TLN1: variants seen among roughly 807,000 people sequenced by gnomAD.
TLN1 encodes the protein talin 1.
A neutral mutation model predicts 292.3 loss-of-function variants in TLN1; 56 were observed. That is an observed-to-expected ratio of 0.19 (90% CI 0.15 to 0.24). The LOEUF (loss-of-function observed/expected upper bound fraction) is 0.24, where lower values mean the gene tolerates loss of function less well. Ranked by LOEUF, TLN1 falls within the 10% of genes least tolerant of loss-of-function variation. TLN1 has a pLI of 1.00. For synonymous variants in TLN1, 1,119 were observed against 1,253.7 expected (o/e 0.89, Z 2.27); for missense variants, 2,433 against 3,248.2 (o/e 0.75, Z 6.10).
rs2131901767 is a variant in TLN1, at chr9:35,719,410, T to C, written c.1687+109A>G. ...AGAAAGACGCACACACACAGTCCCT[T>C]CCACAGTGAGTCAAGGCACAGTCAC... On this transcript the variant is annotated intron_variant, in intron 15 of 56. Coordinates refer to ENST00000314888, the MANE Select transcript of TLN1 (RefSeq NM_006289.4). This position sits in a 1 kb window ranked among gnomAD's most constrained non-coding sequence, Gnocchi z 4.6. 2.2e-6 allele frequency: 3 copies of C among 1,352,252 alleles called. No individual in the cohort carries two copies. The highest frequency in any genetic ancestry group is 4.6e-5 in the East Asian group (2 of 43,576). 83.8% of individuals were successfully genotyped at this position (1,352,252 alleles called of 1,614,324 possible). A position where few individuals can be genotyped will look rare whatever the true frequency, so the allele number is the denominator to read the frequency against.
At position 35,697,792 on chromosome 9, in the gene TLN1, T is replaced by C. The variant is rs745813478; in HGVS notation, c.7625A>G (p.Ter2542=). ...FLPSELRDEH[*] is the part of the protein sequence containing the mutation. ...CTGCATTAAATAGAAGAGGCTTCTTTAGTGCTCATCTCGAAGCTCTGAAGG... is the reference window on the plus strand; with the variant it reads ...CTGCATTAAATAGAAGAGGCTTCTTCAGTGCTCATCTCGAAGCTCTGAAGG... Residue 2542 remains the stop codon, a stop_retained_variant, in exon 57 of 57, where the codon TAA becomes TGA. Coordinates refer to ENST00000314888, the MANE Select transcript of TLN1 (RefSeq NM_006289.4). 20 of 1,614,042 alleles carry C rather than the reference T, an allele frequency of 1.2e-5. No individual in the cohort carries two copies. The highest frequency in any genetic ancestry group is 1.7e-5 in the Non-Finnish European group (20 of 1,180,014).
chr9:35,723,397 C>T, intron 7 of TLN1: 1 of 192,002 alleles, frequency 5.2e-6, no homozygotes, highest in East Asian at 1.6e-4. Flanking sequence ...GCCACCGAGC[C>T]TGGCCAGTAT....
rs959526159 is a variant in TLN1, at chr9:35,704,911, T to G, written c.5734-96A>C. The G allele has an allele frequency of 5.6e-5, 78 of 1,391,038 alleles. No homozygotes were observed. Among genetic ancestry groups the G allele is most frequent in the Middle Eastern group, 5.6e-4 (3 of 5,364 alleles). The allele number at this position is 1,391,038 out of a possible 1,614,324, so 86.2% of individuals were successfully genotyped here. On this transcript the variant is annotated intron_variant, in intron 43 of 56. Transcript: ENST00000314888. The surrounding 1 kb of genome is among the most constrained non-coding windows in gnomAD (Gnocchi z 6.9). ...GTCACTAAGGACATAGAAAAAAACA[T>G]GCATTGTAGACTAAAGAAGCAGAGA...
At chr9:35,725,879 G>C (rs1245966515) in intron 1 of TLN1, among the ~76,000 whole-genome samples, 152 bp from the exon 2 acceptor site, 1 of 152,132 alleles carries the variant, frequency 6.6e-6, no homozygotes, top group Admixed American at 6.5e-5. Context: ...TAATTTTAAA[G>C]AGTGAAAAAT....
At chr9:35,725,525 T>C (rs376918202) in intron 2 of TLN1, 40 bp downstream of exon 2, 10 of 1,603,552 alleles carry the variant, frequency 6.2e-6, no homozygotes, top group Non-Finnish European at 7.7e-6. Flanking sequence ...AAGAAGGGAC[T>C]GAAGACTCCC....
chr9:35,721,891 T>C (rs560007089), intron 9 of TLN1, 88 bp from the exon 10 acceptor site: 68 of 1,541,764 alleles, frequency 4.4e-5, no homozygotes, highest in African/African-American at 3.5e-4. Context: ...ATAGGGGATG[T>C]TGAGGTGGCC....
chr9:35,717,552 T>G lies in TLN1; in HGVS notation c.2163+67A>C. 2 of 1,579,704 alleles carry G rather than the reference T, an allele frequency of 1.3e-6. No homozygotes were observed. The highest frequency in any genetic ancestry group is 1.7e-6 in the Non-Finnish European group (2 of 1,157,566). On this transcript the variant is annotated intron_variant, in intron 18 of 56. Coordinates refer to ENST00000314888, the MANE Select transcript of TLN1 (RefSeq NM_006289.4). This position sits in a 1 kb window ranked among gnomAD's most constrained non-coding sequence, Gnocchi z 4.7. ...GGCCTCCAGAGCCAAAGAAATAAAA[T>G]GAAAGGCTCACGTGTGTGTGGTAGT...
At position 35,704,839 on chromosome 9, in the gene TLN1, T is replaced by C. The variant is rs368143355; in HGVS notation, c.5734-24A>G. 59 of 1,606,694 alleles carry C rather than the reference T, an allele frequency of 3.7e-5. No homozygotes were observed. The African/African-American group carries it at 4.8e-4, about 13-fold the overall frequency. On this transcript the variant is annotated intron_variant, in intron 43 of 56. Transcript: ENST00000314888. The surrounding 1 kb of genome is among the most constrained non-coding windows in gnomAD (Gnocchi z 6.9). Reference sequence around the variant, plus strand: ...ATCTGTGAGCCAAGGGAAAGACAGATGGATTTTACAAGGGGCACTCAGGGT... The same window carrying C: ...ATCTGTGAGCCAAGGGAAAGACAGACGGATTTTACAAGGGGCACTCAGGGT...
At chr9:35,721,116 T>C (rs969836255) in intron 10 of TLN1, among the ~76,000 whole-genome samples, 7 of 152,198 alleles carry the variant, frequency 4.6e-5, no homozygotes, top group African/African-American at 1.7e-4. Flanking sequence ...GCCTCTACAC[T>C]ACACAGTTTC....
Position 35,703,559 on chromosome 9 carries a change from C to A in TLN1, c.6474+1G>T, listed in dbSNP as rs1453683560. 1 of 1,614,110 alleles carries A rather than the reference C, an allele frequency of 6.2e-7. No individual in the cohort carries two copies. Among genetic ancestry groups the A allele is most frequent in the Admixed American group, 1.7e-5 (1 of 60,022 alleles). On this transcript the variant is annotated splice_donor_variant, in intron 48 of 56. Transcript: ENST00000314888. LOFTEE classifies it high-confidence loss of function. The stretch of plus-strand genomic sequence containing the variant: ...CACTGATGCCCCAGACTCTCACTCA[C>A]CGCCAGCTCCTGCCGTATGTGTTCT...
At chr9:35,709,863 G>A (rs1453734331) in intron 33 of TLN1, among the ~76,000 whole-genome samples, 2 of 133,108 alleles carry the variant, frequency 1.5e-5, no homozygotes, top group Non-Finnish European at 3.1e-5. Context: ...CTCCAGCCTG[G>A]GCGACAGAGC....
chr9:35,717,225 C>T lies in TLN1; in HGVS notation c.2379G>A (p.Gly793=). The T allele has an allele frequency of 1.2e-6, 2 of 1,614,160 alleles. No individual in the cohort carries two copies. The highest frequency in any genetic ancestry group is 1.7e-6 in the Non-Finnish European group (2 of 1,180,004). ...TAGCCTGGTCATAACGGCCAGCAGGCCCAGCCCCTGTGGCATGGGCTTTCA... is the reference window on the plus strand; with the variant it reads ...TAGCCTGGTCATAACGGCCAGCAGGTCCAGCCCCTGTGGCATGGGCTTTCA... ...QHVKAHATGA[G]PAGRYDQATD... is the part of the protein sequence containing the mutation. The change falls in exon 19 of 57, where the codon GGG becomes GGA. Residue 793 remains glycine (G), a synonymous_variant. Coordinates refer to ENST00000314888, the MANE Select transcript of TLN1 (RefSeq NM_006289.4). The surrounding 1 kb of genome is among the most constrained non-coding windows in gnomAD (Gnocchi z 4.7).
rs766069516 is a variant in TLN1 at position 35,706,865 on chromosome 9, G to A, written c.4991C>T (p.Ala1664Val). 1 of 1,613,940 alleles carries A rather than the reference G, an allele frequency of 6.2e-7. No homozygotes were observed. The highest frequency in any genetic ancestry group is 8.5e-7 in the Non-Finnish European group (1 of 1,180,010). ...KAPGQLECETAIAALNSCLRD... is the reference protein window; with the variant it reads ...KAPGQLECETVIAALNSCLRD... ...TAGACAACTGTTCAGAGCTGCAATGGCCGTTTCACACTCCAGCTGCCCTGG... is the reference window on the plus strand; with the variant it reads ...TAGACAACTGTTCAGAGCTGCAATGACCGTTTCACACTCCAGCTGCCCTGG... Residue 1664 changes from alanine to valine, a missense_variant, in exon 38 of 57, where the codon GCC becomes GTC. Physicochemically the swap from Ala to Val is moderately conservative, Grantham distance 64 (BLOSUM62 0). Coordinates refer to ENST00000314888, the MANE Select transcript of TLN1 (RefSeq NM_006289.4). This position sits in a 1 kb window ranked among gnomAD's most constrained non-coding sequence, Gnocchi z 4.2.
intron 7 of TLN1, 182 bp downstream of exon 7, chr9:35,723,770 A>G: frequency 1.2e-6 from 1 of 839,998 alleles, no homozygotes; most frequent in Non-Finnish European, 1.9e-6. Context: ...CTACATTCAT[A>G]TTCCAGAGGC....
rs1825416441 is a variant in TLN1, at chr9:35,698,963, T to A, written c.7000-30A>T. 6.2e-7 allele frequency: 1 copy of A among 1,611,160 alleles called. No homozygotes were observed. Among genetic ancestry groups the A allele is most frequent in the African/African-American group, 1.3e-5 (1 of 74,880 alleles). ...AATAAGCGAAGGTTGCAGAAAGAGA[T>A]GTAAAGTCAGAGATGAAGGTGGGGA... On this transcript the variant is annotated intron_variant, in intron 52 of 56. Coordinates refer to ENST00000314888, the MANE Select transcript of TLN1 (RefSeq NM_006289.4). This position sits in a 1 kb window ranked among gnomAD's most constrained non-coding sequence, Gnocchi z 5.3.
intron 1 of TLN1, among the ~76,000 whole-genome samples, chr9:35,729,125 C>A (rs1287709804): frequency 6.6e-6 from 1 of 152,162 alleles, no homozygotes; most frequent in Non-Finnish European, 1.5e-5. Flanking sequence ...CAGTAGGTGT[C>A]ATTATTTCCA....
chr9:35,720,781 T>C, intron 11 of TLN1, 31 bp downstream of exon 11: 3 of 1,595,628 alleles, frequency 1.9e-6, no homozygotes, highest in Non-Finnish European at 2.6e-6. Context: ...CAAGAGGCGA[T>C]AAGGAGAAGG....
intron 26 of TLN1, 28 bp from the exon 27 acceptor site, chr9:35,713,071 G>A: frequency 6.3e-7 from 1 of 1,582,510 alleles, no homozygotes; most frequent in Non-Finnish European, 8.6e-7. Flanking sequence ...AAGAGGGAAG[G>A]GAAGGTGCTT....
chr9:35,725,919 AT>A (rs541082579), intron 1 of TLN1, among the ~76,000 whole-genome samples, 192 bp from the exon 2 acceptor site: 26 of 148,460 alleles, frequency 1.8e-4, no homozygotes, highest in African/African-American at 5.2e-4. Flanking sequence ...AGTCCTGACA[AT>A]TTTTTTTTTT....
Sources: gnomAD v4.1 joint callset for allele counts (sites outside exome capture counted in the v4.1 genomes callset) on GRCh38, gnomAD v4.1.1 for gene constraint, Gnocchi (gnomAD v3.1) non-coding constraint, MANE v1.5 for transcripts, NCBI Gene and HGNC (gene_info 2026-07-23, HGNC 2026-07-21) for gene names.